Variants in TIAM1 observed in about 807,000 individuals in gnomAD.
TIAM1 encodes TIAM Rac1 associated GEF 1, also known as rho guanine nucleotide exchange factor TIAM1.
A neutral mutation model predicts 163.5 loss-of-function variants in TIAM1; 65 were observed. The observed-to-expected ratio is 0.40, with a 90% CI of 0.33 to 0.49. TIAM1 has a LOEUF of 0.49. Ranked by LOEUF, TIAM1 falls within the 20% of genes least tolerant of loss-of-function variation. The pLI is 0.77. For synonymous variants in TIAM1, 833 were observed against 810.1 expected (o/e 1.03, Z -0.48); for missense variants, 1,789 against 2,044.7 (o/e 0.87, Z 2.41).
chr21:31,558,731 C>G (rs1019153935), intron 1 of TIAM1, among the ~76,000 whole-genome samples: 1 of 152,108 alleles, frequency 6.6e-6, no homozygotes, highest in African/African-American at 2.4e-5. Flanking sequence ...CTCCCCACCT[C>G]CCAAGTGTGT....
In TIAM1 at chr21:31,355,804, G is replaced by A. The variant is rs1485345335; in HGVS notation, c.-368-16382C>T. ...TGGACTCAAGTGATCTGCCCGCCTCGGCTTCCCAAAGTGCTGGGATTCAGG... is the reference window on the plus strand; with the variant it reads ...TGGACTCAAGTGATCTGCCCGCCTCAGCTTCCCAAAGTGCTGGGATTCAGG... On this transcript the variant is annotated intron_variant, in intron 2 of 28. Coordinates refer to the TIAM1 transcript ENST00000286827. Among the ~76,000 whole-genome samples, 6 of 141,168 alleles carry A rather than the reference G, an allele frequency of 4.3e-5. No homozygotes were observed. In the South Asian group the frequency reaches 9.7e-4, roughly 23 times the overall value. The allele number at this position is 141,168 out of a possible 152,430, so 92.6% of individuals were successfully genotyped here.
chr21:31,179,469 T>C (rs184652718), intron 15 of TIAM1, among the ~76,000 whole-genome samples: 15 of 151,858 alleles, frequency 9.9e-5, no homozygotes. Flanking sequence ...TCATAGTTAT[T>C]ATCAAACTTT....
intron 2 of TIAM1, among the ~76,000 whole-genome samples, chr21:31,389,695 A>G (rs1213866975): frequency 1.3e-5 from 2 of 152,372 alleles, no homozygotes; most frequent in East Asian, 3.8e-4. Context: ...GGATACTACC[A>G]TTTAATCTCT....
chr21:31,125,129 T>C (rs2082145196), intron 26 of TIAM1, among the ~76,000 whole-genome samples: 1 of 151,736 alleles, frequency 6.6e-6, no homozygotes, highest in Admixed American at 6.6e-5. Flanking sequence ...TCCCTCCTGG[T>C]AAATATCAAT....
In TIAM1 at chr21:31,118,492, CCTT is replaced by C. The variant is rs1326986857; in HGVS notation, c.*1873_*1875del. ...ATAGACCTAAAAACATAAAAATAGA[CCTT>C]CTTTCAGCTTATAAAAGAAATATAT... On this transcript the variant is annotated 3_prime_UTR_variant, in exon 28 of 28. Transcript: ENST00000541036. 4 of 441,760 alleles carry C rather than the reference CCTT, an allele frequency of 9.1e-6. No homozygotes were observed. The highest frequency in any genetic ancestry group is 2.1e-5 in the African/African-American group (1 of 47,968). The allele number at this position is 441,760 out of a possible 1,614,324, so 27.4% of individuals were successfully genotyped here.
At chr21:31,410,207 T>C (rs2077324395) in intron 2 of TIAM1, among the ~76,000 whole-genome samples, 1 of 151,426 alleles carries the variant, frequency 6.6e-6, no homozygotes, top group Non-Finnish European at 1.5e-5. Context: ...TGATTGTGAG[T>C]GTGTGTGAGA....
intron 1 of TIAM1, among the ~76,000 whole-genome samples, chr21:31,509,372 C>A (rs556684868): frequency 2.6e-5 from 4 of 152,264 alleles, no homozygotes; most frequent in Admixed American, 2.6e-4. Flanking sequence ...CCCAGCTCTC[C>A]TGGAGTCCTG....
chr21:31,219,841 C>T (rs2087455126), intron 8 of TIAM1, among the ~76,000 whole-genome samples: 3 of 152,120 alleles, frequency 2.0e-5, no homozygotes, highest in African/African-American at 7.2e-5. Flanking sequence ...TAAGATTACA[C>T]CGGAGGTGTC....
Position 31,339,440 on chromosome 21 carries a change from GA to G in TIAM1, c.-368-19del. On this transcript the variant is annotated intron_variant, in intron 1 of 27. Coordinates refer to ENST00000541036, the MANE Select transcript of TIAM1 (RefSeq NM_001353694.2). The stretch of plus-strand genomic sequence containing the variant: ...GATTCTACCTATAAGAGCAACATAA[GA>G]AAATAATGGGTTTTGTGCTTCGTTT... 2 of 398,336 alleles carry G rather than the reference GA, an allele frequency of 5.0e-6. No homozygotes were observed. The highest frequency in any genetic ancestry group is 8.8e-6 in the Non-Finnish European group (2 of 226,058). 24.7% of individuals were successfully genotyped at this position (398,336 alleles called of 1,614,324 possible). A position where few individuals can be genotyped will look rare whatever the true frequency, so the allele number is the denominator to read the frequency against.
At chr21:31,450,829 C>T (rs926717357) in intron 2 of TIAM1, among the ~76,000 whole-genome samples, 4 of 152,142 alleles carry the variant, frequency 2.6e-5, no homozygotes, top group African/African-American at 9.7e-5. Flanking sequence ...TTATTCACTA[C>T]CATGAGAACA....
intron 2 of TIAM1, among the ~76,000 whole-genome samples, chr21:31,333,762 G>A (rs921830868): frequency 1.3e-5 from 2 of 152,130 alleles, no homozygotes; most frequent in Admixed American, 1.3e-4. Context: ...AATTCTTGAT[G>A]GTATATCTTT....
chr21:31,298,724 A>ATCCAATTGAGGGTGTG (rs2074381071), intron 2 of TIAM1, among the ~76,000 whole-genome samples: 1 of 122,660 alleles, frequency 8.2e-6, no homozygotes. Flanking sequence ...ATCAGATCAG[A>ATCCAATTGAGGGTGTG]TCCAATTGAG....
chr21:31,514,768 C>T (rs2047325944), intron 1 of TIAM1, among the ~76,000 whole-genome samples: 1 of 152,196 alleles, frequency 6.6e-6, no homozygotes, highest in Non-Finnish European at 1.5e-5. Flanking sequence ...CTGCAGAGTG[C>T]ACGCCTGGAG....
intron 26 of TIAM1, among the ~76,000 whole-genome samples, chr21:31,126,391 ACC>A (rs895711751): frequency 6.6e-6 from 1 of 151,698 alleles, no homozygotes; most frequent in African/African-American, 2.4e-5. Context: ...ACATGGTGAA[ACC>A]CCGTCTCTAT....
chr21:31,434,861 T>A (rs556952781), intron 2 of TIAM1, among the ~76,000 whole-genome samples: 5 of 152,346 alleles, frequency 3.3e-5, no homozygotes, highest in Admixed American at 6.5e-5. Context: ...CGGAGACTTT[T>A]GCCAACAAGT....
intron 2 of TIAM1, among the ~76,000 whole-genome samples, chr21:31,323,525 T>G (rs2075384762): frequency 6.6e-6 from 1 of 151,516 alleles, no homozygotes; most frequent in Non-Finnish European, 1.5e-5. Context: ...CCTGGCACCA[T>G]CTCTATAAAA....
At chr21:31,200,383 A>C (rs2086134317) in intron 12 of TIAM1, among the ~76,000 whole-genome samples, 1 of 152,220 alleles carries the variant, frequency 6.6e-6, no homozygotes, top group South Asian at 2.1e-4. Context: ...CCTTAAACTG[A>C]AAATCAGCAT....
intron 2 of TIAM1, among the ~76,000 whole-genome samples, chr21:31,319,560 T>G (rs1335865647): frequency 6.6e-6 from 1 of 151,898 alleles, no homozygotes; most frequent in East Asian, 1.9e-4. Context: ...GGGTGGATCA[T>G]GAGGTCAGGA....
intron 1 of TIAM1, among the ~76,000 whole-genome samples, chr21:31,544,069 G>A (rs939305677): frequency 6.8e-6 from 1 of 147,654 alleles, no homozygotes; most frequent in African/African-American, 2.4e-5. Context: ...AATTAGCTGG[G>A]CATGGTGGCA....
Sources: gnomAD v4.1 joint callset for allele counts (sites outside exome capture counted in the v4.1 genomes callset) on GRCh38, gnomAD v4.1.1 for gene constraint, MANE v1.5 for transcripts, NCBI Gene and HGNC (gene_info 2026-07-23, HGNC 2026-07-21) for gene names.